Variants in RALGPS1 observed in about 807,000 individuals in gnomAD.
RALGPS1 encodes ras-specific guanine nucleotide-releasing factor RalGPS1.
Under a neutral mutation model 78.8 loss-of-function variants are expected in RALGPS1, and 19 were observed. The observed-to-expected ratio is 0.24, with a 90% CI of 0.17 to 0.35. RALGPS1 has a LOEUF of 0.35. Ranked by LOEUF, RALGPS1 falls within the 10% of genes least tolerant of loss-of-function variation. The pLI is 1.00. For synonymous variants in RALGPS1, 228 were observed against 256.3 expected (o/e 0.89, Z 1.06); for missense variants, 454 against 688.3 (o/e 0.66, Z 3.81).
At chr9:127,217,791 T>C (rs1027572165) in intron 18 of RALGPS1, 3 of 152,260 alleles carry the variant, frequency 2.0e-5, no homozygotes, top group African/African-American at 7.2e-5. Context: ...AACTTTCTTA[T>C]AAATAGAACC....
intron 7 of RALGPS1, among the ~76,000 whole-genome samples, chr9:127,061,766 A>C (rs1383176979): frequency 6.6e-6 from 1 of 152,130 alleles, no homozygotes; most frequent in Non-Finnish European, 1.5e-5. Context: ...TTTCCTATGT[A>C]GTGTTCCTGA....
At chr9:127,100,518 G>T (rs772162001) in intron 8 of RALGPS1, among the ~76,000 whole-genome samples, 35 of 152,292 alleles carry the variant, frequency 2.3e-4, no homozygotes, top group Middle Eastern at 3.4e-3. Context: ...GTTTAGAAGG[G>T]GCTTTAGTGG....
At chr9:127,003,035 A>G (rs1179916061) in intron 4 of RALGPS1, among the ~76,000 whole-genome samples, 1 of 152,156 alleles carries the variant, frequency 6.6e-6, no homozygotes, top group African/African-American at 2.4e-5. Context: ...GACTTCCACA[A>G]TGGTTGAACT....
chr9:127,093,823 G>T (rs142881433), intron 8 of RALGPS1: 1 of 1,614,066 alleles, frequency 6.2e-7, no homozygotes, highest in Non-Finnish European at 8.5e-7. Flanking sequence ...GTCTCTGGTC[G>T]CACCACACCT....
Position 127,211,956 on chromosome 9 carries a change from C to T in RALGPS1, c.1248-175C>T, listed in dbSNP as rs2062286335. Among the ~76,000 whole-genome samples, 1 of 152,180 alleles carries T rather than the reference C, an allele frequency of 6.6e-6. No homozygotes were observed. Among genetic ancestry groups the T allele is most frequent in the East Asian group, 1.9e-4 (1 of 5,192 alleles). ...AGGTGTGGGAGTCCTTGGCGGTGGG[C>T]CCTTCATGTGCGTTATCACCTGGCC... On this transcript the variant is annotated intron_variant, in intron 14 of 18. Coordinates refer to ENST00000259351, the MANE Select transcript of RALGPS1 (RefSeq NM_014636.3). This position sits in a 1 kb window ranked among gnomAD's most constrained non-coding sequence, Gnocchi z 5.0.
chr9:127,035,387 G>T (rs571783950), intron 5 of RALGPS1, among the ~76,000 whole-genome samples: 1 of 152,184 alleles, frequency 6.6e-6, no homozygotes, highest in Non-Finnish European at 1.5e-5. Context: ...GGGAGGTAGG[G>T]TGTCTTATTT....
chr9:127,030,385 C>T (rs567347787), intron 4 of RALGPS1, among the ~76,000 whole-genome samples: 10 of 152,074 alleles, frequency 6.6e-5, no homozygotes, highest in African/African-American at 1.9e-4. Context: ...GTGAGGGGCC[C>T]GAAAGGTGGG....
chr9:127,001,402 C>T (rs60025121), intron 4 of RALGPS1, among the ~76,000 whole-genome samples: 1 of 151,628 alleles, frequency 6.6e-6, no homozygotes, highest in Non-Finnish European at 1.5e-5. Flanking sequence ...TCTTTATTGG[C>T]TTATGAGGTA....
At chr9:127,055,422 T>A (rs1428922706) in intron 7 of RALGPS1, among the ~76,000 whole-genome samples, 3 of 152,230 alleles carry the variant, frequency 2.0e-5, no homozygotes, top group Non-Finnish European at 4.4e-5. Context: ...CTTGCTATGT[T>A]GCCCAGGCTG....
intron 1 of RALGPS1, among the ~76,000 whole-genome samples, chr9:126,931,545 G>A (rs560186439): frequency 6.6e-6 from 1 of 152,200 alleles, no homozygotes; most frequent in Non-Finnish European, 1.5e-5. Context: ...GATTCTGTCT[G>A]TATGAAACGT....
At chr9:126,959,252 G>T (rs758817158) in intron 1 of RALGPS1, among the ~76,000 whole-genome samples, 3 of 152,034 alleles carry the variant, frequency 2.0e-5, no homozygotes, top group Non-Finnish European at 4.4e-5. Context: ...AATAGAGATG[G>T]GGTTTCATCA....
chr9:126,916,838 C>T (rs941370523), intron 1 of RALGPS1, among the ~76,000 whole-genome samples: 5 of 152,160 alleles, frequency 3.3e-5, no homozygotes, highest in Non-Finnish European at 7.3e-5. Flanking sequence ...ATGCCTGACT[C>T]CACTGTGTAC....
intron 1 of RALGPS1, among the ~76,000 whole-genome samples, chr9:126,944,978 C>G (rs2037120425): frequency 6.6e-6 from 1 of 152,178 alleles, no homozygotes; most frequent in South Asian, 2.1e-4. Context: ...GAAAGAGTCT[C>G]ATCTAGCCCT....
At chr9:127,133,457 C>CCCGTCTGCAGAG (rs1203858012) in intron 8 of RALGPS1, among the ~76,000 whole-genome samples, 1 of 152,236 alleles carries the variant, frequency 6.6e-6, no homozygotes, top group Non-Finnish European at 1.5e-5. Context: ...AGGTGGCGTC[C>CCCGTCTGCAGAG]CCGTCTGCAG....
intron 9 of RALGPS1, among the ~76,000 whole-genome samples, 154 bp downstream of exon 9, chr9:127,166,360 G>C (rs2059291378): frequency 6.6e-6 from 1 of 152,122 alleles, no homozygotes; most frequent in African/African-American, 2.4e-5. Context: ...TTATACATAG[G>C]TTTGATCTTC....
intron 8 of RALGPS1, chr9:127,108,470 C>A (rs772594925): frequency 3.1e-6 from 5 of 1,612,140 alleles, no homozygotes; most frequent in Non-Finnish European, 4.2e-6. Flanking sequence ...AGCTCTAGCT[C>A]CTGCTTATGC....
chr9:126,944,383 G>T (rs1475510527), intron 1 of RALGPS1, among the ~76,000 whole-genome samples: 2 of 151,670 alleles, frequency 1.3e-5, no homozygotes, highest in Admixed American at 6.6e-5. Context: ...GGAGGGAAAA[G>T]GAGGTCAAGA....
intron 8 of RALGPS1, among the ~76,000 whole-genome samples, chr9:127,094,111 C>T (rs1262520274): frequency 6.6e-6 from 1 of 152,130 alleles, no homozygotes; most frequent in Non-Finnish European, 1.5e-5. Flanking sequence ...AGCCTCGGAC[C>T]AGGGGTCAGG....
chr9:127,150,504 C>T (rs1366627602), intron 8 of RALGPS1, among the ~76,000 whole-genome samples: 1 of 152,232 alleles, frequency 6.6e-6, no homozygotes, highest in African/African-American at 2.4e-5. Context: ...ACCCCCCTCA[C>T]CCCACCCACA....
Sources: allele counts gnomAD v4.1 joint callset (sites outside exome capture counted in the v4.1 genomes callset), GRCh38; gene constraint gnomAD v4.1.1; non-coding constraint Gnocchi (gnomAD v3.1); transcripts MANE v1.5; gene names NCBI Gene and HGNC (gene_info 2026-07-23, HGNC 2026-07-21).